The following SPARCL1 variants were observed in gnomAD, a reference collection of about 807,000 sequenced individuals.
The protein encoded by SPARCL1 is SPARC-like protein 1.
SPARCL1 carries 52 observed loss-of-function variants against 67.1 expected under a neutral mutation model. The ratio of observed to expected loss-of-function variants is 0.78; its 90% CI spans 0.62 to 0.98. SPARCL1 has a LOEUF of 0.98. Among genes scored for constraint, SPARCL1 ranks in the 50% least tolerant of loss-of-function variants. The pLI, the probability that SPARCL1 is intolerant of heterozygous loss-of-function variation, is 0.00. For synonymous variants in SPARCL1, 226 were observed against 267.8 expected, an observed-to-expected ratio of 0.84 and a Z score of 1.52; for missense variants, 717 against 782.4, an observed-to-expected ratio of 0.92 and a Z score of 1.00.
At chr4:87,486,050 C>T (rs1459427109) in intron 7 of SPARCL1, among the ~76,000 whole-genome samples, 4 of 151,494 alleles carry the variant, frequency 2.6e-5, no homozygotes, top group Admixed American at 6.6e-5. Context: ...AAGGGTTTTT[C>T]GTGTCTCTAT....
rs749301466 is a variant in SPARCL1 at position 87,479,520 on chromosome 4, A to G, written c.1876T>C (p.Cys626Arg). ...CACTCCTCAAAGAAACGGGTTATGC[A>G]GTGTTCCATGGGCACCAGAGATGCT... ...LRASLVPMEH[C>R]ITRFFEECDP... Residue 626 changes from cysteine to arginine, a missense_variant, in exon 10 of 11, where the codon TGC (cysteine) becomes CGC (arginine). Cys to Arg is a radical substitution (Grantham distance 180). Transcript: ENST00000282470. The G allele has an allele frequency of 2.5e-6, 4 of 1,614,168 alleles. No individual in the cohort carries two copies. Among genetic ancestry groups the G allele is most frequent in the Non-Finnish European group, 3.4e-6 (4 of 1,180,018 alleles).
At position 87,494,968 on chromosome 4, in the gene SPARCL1, A is replaced by G; in HGVS notation, c.201+13T>C. On this transcript the variant is annotated intron_variant, in intron 3 of 10. Transcript: ENST00000282470. ...TTAAAAAATTGTATTAATATAAATG[A>G]TGTTACTTTTACCTTATGGTGGGAA... 6.3e-7 allele frequency: 1 copy of G among 1,585,636 alleles called. No homozygotes were observed. The highest frequency in any genetic ancestry group is 1.2e-5 in the South Asian group (1 of 85,664).
At chr4:87,528,556 T>C (rs1181196235) in intron 1 of SPARCL1, 2 of 152,212 alleles carry the variant, frequency 1.3e-5, no homozygotes, top group African/African-American at 4.8e-5. Context: ...TTTTCCTACC[T>C]TTTGGAAAAG....
intron 10 of SPARCL1, among the ~76,000 whole-genome samples, chr4:87,478,967 T>C (rs1346916683): frequency 6.6e-6 from 1 of 152,138 alleles, no homozygotes; most frequent in East Asian, 1.9e-4. Flanking sequence ...CAGCACTAAT[T>C]GTGATGTAAA....
At position 87,494,259 on chromosome 4, in the gene SPARCL1, G is replaced by A. The variant is rs918107208; in HGVS notation, c.541C>T (p.His181Tyr). The A allele has an allele frequency of 1.2e-6, 2 of 1,613,882 alleles. No homozygotes were observed. The highest frequency in any genetic ancestry group is 2.7e-5 in the African/African-American group (2 of 74,848). ...CCTTGATCCCTTAGGCCTTGGCTAT[G>A]TTTACTGCTCCTGTTCAACTGATGA... Reference protein sequence around the residue: ...SHHQLNRSSKHSQGLRDQGNQ... With the variant: ...SHHQLNRSSKYSQGLRDQGNQ... Residue 181 changes from histidine to tyrosine, a missense_variant, in exon 4 of 11, where the codon CAT becomes TAT. His to Tyr is a moderately conservative substitution (Grantham distance 83). Transcript: ENST00000282470.
chr4:87,475,340 C>T (rs1269430382), intron 10 of SPARCL1, among the ~76,000 whole-genome samples: 1 of 152,220 alleles, frequency 6.6e-6, no homozygotes, highest in Non-Finnish European at 1.5e-5. Context: ...TCTTCCTCCT[C>T]TTTGAAACAC....
At chr4:87,492,215 C>G (rs956241058) in intron 4 of SPARCL1, among the ~76,000 whole-genome samples, 4 of 151,922 alleles carry the variant, frequency 2.6e-5, no homozygotes, top group African/African-American at 9.7e-5. Context: ...GTCAGGAATT[C>G]GAGACCAGCC....
Position 87,473,738 on chromosome 4 carries a change from G to A in SPARCL1, c.*37C>T, listed in dbSNP as rs559330675. 103 of 1,531,736 alleles carry A rather than the reference G, an allele frequency of 6.7e-5. No individual in the cohort carries two copies. In the Middle Eastern group the frequency reaches 9.4e-4, roughly 14 times the overall value. 94.9% of individuals were successfully genotyped at this position (1,531,736 alleles called of 1,614,324 possible). On this transcript the variant is annotated 3_prime_UTR_variant, in exon 11 of 11. Transcript: ENST00000282470. ...TATTTCTGAAGTGGTTAGAACAGAGGAGGATGCTGGAAAGTTGAGTTCTTT... is the reference window on the plus strand; with the variant it reads ...TATTTCTGAAGTGGTTAGAACAGAGAAGGATGCTGGAAAGTTGAGTTCTTT...
rs578060437 is a variant in SPARCL1, at chr4:87,517,853, G to T, written c.-12+11192C>A. Reference sequence around the variant, plus strand: ...AAGAAAAACAACAAATAATACCAAAGAACAGTTCCAAGTAGCCTCATTCTC... The same window carrying T: ...AAGAAAAACAACAAATAATACCAAATAACAGTTCCAAGTAGCCTCATTCTC... On this transcript the variant is annotated intron_variant, in intron 1 of 10. Transcript: ENST00000282470. 7.9e-5 allele frequency among the ~76,000 whole-genome samples: 12 copies of T among 152,290 alleles called. No homozygotes were observed. In the South Asian group the frequency reaches 2.5e-3, roughly 32 times the overall value.
chr4:87,506,535 T>A (rs1478842325), intron 1 of SPARCL1, among the ~76,000 whole-genome samples: 1 of 152,194 alleles, frequency 6.6e-6, no homozygotes, highest in Non-Finnish European at 1.5e-5. Flanking sequence ...TCTCTCTCTC[T>A]GCCTATCTGT....
At chr4:87,482,625 A>G in intron 7 of SPARCL1, 65 bp from the exon 8 acceptor site, 1 of 1,573,668 alleles carries the variant, frequency 6.4e-7, no homozygotes, top group Non-Finnish European at 8.7e-7. Flanking sequence ...AAGTCCTCAT[A>G]ATAGGAAGCT....
At chr4:87,493,319 G>A (rs951548792) in intron 4 of SPARCL1, among the ~76,000 whole-genome samples, 1 of 152,126 alleles carries the variant, frequency 6.6e-6, no homozygotes, top group African/African-American at 2.4e-5. Context: ...TCCTTCTTGT[G>A]TTACTTCTGC....
At chr4:87,488,850 C>T (rs2110222151) in intron 7 of SPARCL1, among the ~76,000 whole-genome samples, 1 of 152,298 alleles carries the variant, frequency 6.6e-6, no homozygotes, top group South Asian at 2.1e-4. Flanking sequence ...CCGTGGGCTC[C>T]ACCCAGTCCG....
intron 7 of SPARCL1, among the ~76,000 whole-genome samples, chr4:87,483,225 A>C (rs1313812441): frequency 6.6e-6 from 1 of 151,970 alleles, no homozygotes; most frequent in Non-Finnish European, 1.5e-5. Context: ...TCCTAATGCT[A>C]TCCCTCTCCT....
At chr4:87,524,935 A>T (rs1725979608) in intron 1 of SPARCL1, among the ~76,000 whole-genome samples, 1 of 152,080 alleles carries the variant, frequency 6.6e-6, no homozygotes, top group Non-Finnish European at 1.5e-5. Flanking sequence ...GCCTGAGGCA[A>T]GCAGATCACT....
Position 87,479,529 on chromosome 4 carries a change from T to C in SPARCL1, c.1867A>G (p.Met623Val), listed in dbSNP as rs1447524684. 2.5e-6 allele frequency: 4 copies of C among 1,614,160 alleles called. No individual in the cohort carries two copies. Among genetic ancestry groups the C allele is most frequent in the South Asian group, 1.1e-5 (1 of 91,078 alleles). ...LAPLRASLVPMEHCITRFFEE... is the reference protein window; with the variant it reads ...LAPLRASLVPVEHCITRFFEE... Reference sequence around the variant, plus strand: ...AAGAAACGGGTTATGCAGTGTTCCATGGGCACCAGAGATGCTCGCAGAGGA... The same window carrying C: ...AAGAAACGGGTTATGCAGTGTTCCACGGGCACCAGAGATGCTCGCAGAGGA... The change falls in exon 10 of 11, where the codon ATG (methionine) becomes GTG (valine). Residue 623 changes from methionine (M) to valine (V), a missense_variant. Coordinates refer to ENST00000282470, the MANE Select transcript of SPARCL1 (RefSeq NM_004684.6).
intron 1 of SPARCL1, among the ~76,000 whole-genome samples, chr4:87,522,880 T>TA (rs1560456403): frequency 6.6e-6 from 1 of 152,050 alleles, no homozygotes; most frequent in Non-Finnish European, 1.5e-5. Flanking sequence ...AATCCTGCCG[T>TA]AAAAAAGAGG....
chr4:87,509,091 T>C (rs964643835), intron 1 of SPARCL1, among the ~76,000 whole-genome samples: 3 of 148,812 alleles, frequency 2.0e-5, no homozygotes, highest in Non-Finnish European at 3.0e-5. Context: ...TATAAATATA[T>C]AATATATTTA....
intron 10 of SPARCL1, 28 bp downstream of exon 10, chr4:87,479,402 C>A (rs1387516888): frequency 1.2e-6 from 2 of 1,603,372 alleles, no homozygotes. Flanking sequence ...AGAAGACATC[C>A]CTCTTCTTTG....
Sources: gnomAD v4.1 joint callset for allele counts (sites outside exome capture counted in the v4.1 genomes callset) on GRCh38, gnomAD v4.1.1 for gene constraint, MANE v1.5 for transcripts, NCBI Gene and HGNC (gene_info 2026-07-23, HGNC 2026-07-21) for gene names.